GSE1: variants seen among roughly 807,000 people sequenced by gnomAD.
GSE1 encodes the protein Gse1 coiled-coil protein.
Under a neutral mutation model 112.6 loss-of-function variants are expected in GSE1, and 32 were observed. That is an observed-to-expected ratio of 0.28 (90% CI 0.21 to 0.38). The LOEUF is 0.38. Among genes scored for constraint, GSE1 ranks in the 10% least tolerant of loss-of-function variants. The probability of loss-of-function intolerance (pLI) is 1.00; values close to 1 mark genes in which losing one functional copy is unlikely to be tolerated. For missense variants in GSE1, 2,348 were observed against 1,699.2 expected, an observed-to-expected ratio of 1.38 and a Z score of -6.71; for synonymous variants, 1,115 against 735.6, an observed-to-expected ratio of 1.52 and a Z score of -8.35.
intron 1 of GSE1, among the ~76,000 whole-genome samples, chr16:85,569,685 G>A (rs1488331799): frequency 6.6e-6 from 1 of 152,202 alleles, no homozygotes; most frequent in Non-Finnish European, 1.5e-5. Context: ...GCACACACGG[G>A]TATATGCGGA....
chr16:85,339,275 C>T (rs2046572297), intron 1 of GSE1, among the ~76,000 whole-genome samples: 1 of 152,148 alleles, frequency 6.6e-6, no homozygotes, highest in South Asian at 2.1e-4. Flanking sequence ...GCTGGCTGAC[C>T]CGGGATTTCC....
chr16:85,212,878 A>G (rs188539229), intron 1 of GSE1, among the ~76,000 whole-genome samples: 2 of 152,284 alleles, frequency 1.3e-5, no homozygotes, highest in African/African-American at 2.4e-5. Flanking sequence ...CTGTAATCCC[A>G]GCACTTTGGG....
chr16:85,446,507 G>A (rs1378836966), intron 2 of GSE1, among the ~76,000 whole-genome samples: 2 of 152,192 alleles, frequency 1.3e-5, no homozygotes, highest in African/African-American at 4.8e-5. Context: ...TTTGCCAGGA[G>A]CCCCCGGTGG....
At chr16:85,210,788 G>A (rs57256594) in intron 1 of GSE1, among the ~76,000 whole-genome samples, 2,728 of 152,304 alleles carry the variant, frequency 0.018, 88 homozygotes, top group African/African-American at 0.059. Flanking sequence ...TGTTGTCACC[G>A]TGTCATCTTA....
At chr16:85,230,651 G>A (rs1045223886) in intron 1 of GSE1, among the ~76,000 whole-genome samples, 2 of 152,220 alleles carry the variant, frequency 1.3e-5, no homozygotes, top group African/African-American at 4.8e-5. Flanking sequence ...CTGGACATGT[G>A]GGGAGAGATT....
chr16:85,329,772 G>T (rs979574863), intron 1 of GSE1, among the ~76,000 whole-genome samples: 2 of 151,038 alleles, frequency 1.3e-5, no homozygotes, highest in Admixed American at 6.6e-5. Context: ...TAATTAGAGG[G>T]CAAGGAACTC....
At chr16:85,350,937 G>T (rs2046839182) in intron 1 of GSE1, among the ~76,000 whole-genome samples, 1 of 152,176 alleles carries the variant, frequency 6.6e-6, no homozygotes, top group African/African-American at 2.4e-5. Context: ...CCACTACCGT[G>T]CCCGGCTAAT....
At chr16:85,331,391 A>G (rs967833661) in intron 1 of GSE1, among the ~76,000 whole-genome samples, 6 of 102,808 alleles carry the variant, frequency 5.8e-5, no homozygotes, top group South Asian at 3.2e-4. Flanking sequence ...ATGTATATAT[A>G]TGTGTATATA....
chr16:85,453,759 C>T (rs183405397), intron 2 of GSE1, among the ~76,000 whole-genome samples: 1 of 152,308 alleles, frequency 6.6e-6, no homozygotes, highest in Admixed American at 6.5e-5. Context: ...CTCCTTTTCC[C>T]TCTGCACAAG....
chr16:85,549,934 G>A (rs577911484), intron 2 of GSE1, among the ~76,000 whole-genome samples: 72 of 152,310 alleles, frequency 4.7e-4, no homozygotes, highest in Middle Eastern at 6.8e-3. Flanking sequence ...TGACATCGTA[G>A]GAAAGCAGGC....
chr16:85,461,842 C>T (rs1305615736), intron 2 of GSE1, among the ~76,000 whole-genome samples: 1 of 152,196 alleles, frequency 6.6e-6, no homozygotes, highest in Non-Finnish European at 1.5e-5. Context: ...CCCCTCCTCC[C>T]GGACCTTCTC....
intron 2 of GSE1, among the ~76,000 whole-genome samples, chr16:85,482,993 A>AAAC (rs1555519463): frequency 8.6e-5 from 13 of 150,580 alleles, no homozygotes; most frequent in African/African-American, 3.2e-4. Flanking sequence ...AAAAAAAAAA[A>AAAC]AAAATACCAA....
At chr16:85,671,394 T>C (rs1015794457) in intron 15 of GSE1, among the ~76,000 whole-genome samples, 32 of 132,802 alleles carry the variant, frequency 2.4e-4, no homozygotes, top group African/African-American at 8.1e-4. Flanking sequence ...GAGCCGAGAT[T>C]GCGCCACTGC....
At chr16:85,589,737 G>A (rs972483742) in intron 1 of GSE1, among the ~76,000 whole-genome samples, 1 of 152,150 alleles carries the variant, frequency 6.6e-6, no homozygotes, top group East Asian at 1.9e-4. Context: ...CTGTGTGAAT[G>A]TGGATGACTG....
intron 1 of GSE1, among the ~76,000 whole-genome samples, chr16:85,570,098 C>T (rs202128012): frequency 6.6e-6 from 1 of 152,176 alleles, no homozygotes; most frequent in Non-Finnish European, 1.5e-5. Flanking sequence ...GAGAAGCAGC[C>T]GTCGGGCTAG....
chr16:85,236,853 G>A (rs73257946), intron 1 of GSE1, among the ~76,000 whole-genome samples: 2 of 152,020 alleles, frequency 1.3e-5, no homozygotes, highest in Non-Finnish European at 2.9e-5. Flanking sequence ...TGGGACCTCT[G>A]CCTGGCTCCC....
chr16:85,436,368 C>G (rs558798546), intron 2 of GSE1, among the ~76,000 whole-genome samples: 25 of 152,222 alleles, frequency 1.6e-4, no homozygotes, highest in Non-Finnish European at 3.4e-4. Context: ...CTGGCCCAGC[C>G]CATCCTAGCC....
At chr16:85,623,464 A>C (rs1027418128) in intron 1 of GSE1, among the ~76,000 whole-genome samples, 2 of 152,174 alleles carry the variant, frequency 1.3e-5, no homozygotes, top group African/African-American at 2.4e-5. Context: ...GGAAGTCCGC[A>C]CTGAGCTGTT....
chr16:85,467,016 C>T (rs1051563483), intron 2 of GSE1, among the ~76,000 whole-genome samples: 1 of 152,194 alleles, frequency 6.6e-6, no homozygotes, highest in African/African-American at 2.4e-5. Context: ...GCTGAGATAG[C>T]GCCACTGCAC....
Sources: gnomAD v4.1 joint callset for allele counts (sites outside exome capture counted in the v4.1 genomes callset) on GRCh38, gnomAD v4.1.1 for gene constraint, MANE v1.5 for transcripts, NCBI Gene and HGNC (gene_info 2026-07-23, HGNC 2026-07-21) for gene names.